The following TTC21B variants were observed in gnomAD, a reference collection of about 807,000 sequenced individuals.
TTC21B encodes tetratricopeptide repeat domain 21B.
A neutral mutation model predicts 175.1 loss-of-function variants in TTC21B; 127 were observed. That is an observed-to-expected ratio of 0.73 (90% confidence interval 0.63 to 0.84). The LOEUF (loss-of-function observed/expected upper bound fraction) is 0.84, where lower values mean the gene tolerates loss of function less well. Among genes scored for constraint, TTC21B ranks in the 40% least tolerant of loss-of-function variants. The pLI is 0.00. For synonymous variants in TTC21B, 524 were observed against 524.5 expected, an observed-to-expected ratio of 1.00 and a Z score of 0.01; for missense variants, 1,561 against 1,558.3, an observed-to-expected ratio of 1.00 and a Z score of -0.03.
intron 6 of TTC21B, chr2:165,933,737 A>C (rs1463369595): frequency 6.6e-6 from 1 of 152,208 alleles, no homozygotes; most frequent in Non-Finnish European, 1.5e-5. Context: ...CATGTAACTA[A>C]CTACAAAAGT....
chr2:165,884,712 T>C (rs918208919), intron 25 of TTC21B, among the ~76,000 whole-genome samples: 1 of 152,218 alleles, frequency 6.6e-6, no homozygotes, highest in African/African-American at 2.4e-5. Context: ...TCAGAGAATG[T>C]CACTCTGTGA....
At chr2:165,949,759 A>G (rs1288652220) in intron 1 of TTC21B, 35 bp from the exon 2 acceptor site, 1 of 1,585,210 alleles carries the variant, frequency 6.3e-7, no homozygotes, top group Non-Finnish European at 8.7e-7. Context: ...TTATAAAGGA[A>G]TTCTGGTGCT....
chr2:165,909,469 T>A, intron 18 of TTC21B, among the ~76,000 whole-genome samples: 1 of 151,920 alleles, frequency 6.6e-6, no homozygotes, highest in Admixed American at 6.6e-5. Context: ...AGAAAATATC[T>A]ACAACATGAA....
At chr2:165,945,444 T>C in intron 4 of TTC21B, 80 bp downstream of exon 4, 2 of 1,341,212 alleles carry the variant, frequency 1.5e-6, no homozygotes, top group Non-Finnish European at 2.1e-6. Context: ...AATAAAGAGC[T>C]AAATCACAGA....
Position 165,883,851 on chromosome 2 carries a change from T to TTGAA in TTC21B, c.3623_3626dup (p.Gln1209HisfsTer7). On this transcript the variant is annotated frameshift_variant, in exon 26 of 29. Coordinates refer to ENST00000243344, the MANE Select transcript of TTC21B (RefSeq NM_024753.5). LOFTEE classifies it high-confidence loss of function. ...CTTCTGCCATGTCATATTTTGCTGA[T>TTGAA]TGAATGTAAATATCAGCAAGTAGCA... is the stretch of plus-strand genomic sequence containing the variant. 1 of 1,614,136 alleles carries TTGAA rather than the reference T, an allele frequency of 6.2e-7. No individual in the cohort carries two copies.
intron 6 of TTC21B, among the ~76,000 whole-genome samples, chr2:165,939,317 T>C (rs1687281856): frequency 6.6e-6 from 1 of 152,200 alleles, no homozygotes; most frequent in South Asian, 2.1e-4. Flanking sequence ...TGCAAGTCAC[T>C]TATTCTCAAG....
At chr2:165,914,850 A>G (rs1303359548) in intron 15 of TTC21B, among the ~76,000 whole-genome samples, 1 of 151,972 alleles carries the variant, frequency 6.6e-6, no homozygotes, top group Non-Finnish European at 1.5e-5. Flanking sequence ...TAATAAATAC[A>G]CCTGCCTATC....
At chr2:165,927,756 G>A (rs751125396) in intron 11 of TTC21B, among the ~76,000 whole-genome samples, 64 of 151,950 alleles carry the variant, frequency 4.2e-4, no homozygotes, top group Non-Finnish European at 7.4e-4. Flanking sequence ...AATTCTATGA[G>A]GGTTTAAGTT....
At chr2:165,927,027 G>T (rs1315193265) in intron 11 of TTC21B, among the ~76,000 whole-genome samples, 41 of 50,348 alleles carry the variant, frequency 8.1e-4, no homozygotes, top group Non-Finnish European at 1.1e-3. Context: ...TCTCCTAGTA[G>T]TTATATATAT....
At chr2:165,941,328 A>G (rs1687359820) in intron 5 of TTC21B, 144 bp from the exon 6 acceptor site, 2 of 825,960 alleles carry the variant, frequency 2.4e-6, no homozygotes, top group African/African-American at 3.5e-5. Flanking sequence ...TGTCAAAACA[A>G]AATTTTAAAA....
intron 6 of TTC21B, 141 bp downstream of exon 6, chr2:165,940,886 G>A: frequency 2.4e-6 from 2 of 827,844 alleles, no homozygotes; most frequent in Middle Eastern, 3.6e-4. Context: ...AAAGCAGTAT[G>A]ATTTTAAGTA....
chr2:165,902,177 A>G (rs1685591188), intron 19 of TTC21B, among the ~76,000 whole-genome samples: 1 of 152,182 alleles, frequency 6.6e-6, no homozygotes, highest in Non-Finnish European at 1.5e-5. Flanking sequence ...AAGTTCACTA[A>G]GGAGGAAATA....
rs1011887123 is a variant in TTC21B, at chr2:165,876,298, C to T, written c.3806-66G>A. On this transcript the variant is annotated intron_variant, in intron 27 of 28. Coordinates refer to ENST00000243344, the MANE Select transcript of TTC21B (RefSeq NM_024753.5). ...CTGCTACTATTACTTTTCCTTGCCT[C>T]CTCCTCTCTTTGCTTACTCACTAGA... The T allele has an allele frequency of 3.9e-6, 4 of 1,015,964 alleles. No individual in the cohort carries two copies. The African/African-American group carries it at 4.7e-5, about 12-fold the overall frequency. The allele number at this position is 1,015,964 out of a possible 1,614,324, so 62.9% of individuals were successfully genotyped here.
chr2:165,952,571 C>A (rs910930746), intron 1 of TTC21B, among the ~76,000 whole-genome samples: 1 of 152,048 alleles, frequency 6.6e-6, no homozygotes, highest in Admixed American at 6.5e-5. Flanking sequence ...AATGAGGAGG[C>A]CCATTTTTAC....
intron 11 of TTC21B, among the ~76,000 whole-genome samples, chr2:165,925,771 G>A (rs1289804719): frequency 1.3e-5 from 2 of 152,004 alleles, no homozygotes; most frequent in Non-Finnish European, 2.9e-5. Flanking sequence ...ATAGGCCTAC[G>A]GGTTTTTATG....
chr2:165,940,982 T>A, intron 6 of TTC21B, 45 bp downstream of exon 6: 2 of 1,609,794 alleles, frequency 1.2e-6, no homozygotes, highest in Non-Finnish European at 1.7e-6. Flanking sequence ...TTCTCAAAAT[T>A]ATAACCAAAT....
At chr2:165,895,736 A>T (rs1488301538) in intron 22 of TTC21B, among the ~76,000 whole-genome samples, 1 of 152,160 alleles carries the variant, frequency 6.6e-6, no homozygotes, top group East Asian at 1.9e-4. Flanking sequence ...TTTTGGACCC[A>T]GAGTGAGTGG....
Position 165,924,624 on chromosome 2 carries a change from G to C in TTC21B, c.1441C>G (p.Leu481Val). The part of the protein sequence containing the change: ...CPLLRRCISV[L>V]ETVVRTVPGL... The stretch of plus-strand genomic sequence containing the variant: ...GGAACAGTTCTTACTACAGTCTCCA[G>C]GACTGAGATGCAACGCCTGAGAAGT... Residue 481 changes from leucine (L) to valine (V), a missense_variant, in exon 12 of 29, where the codon CTG (leucine) becomes GTG (valine). By Grantham distance (32) the Leu-to-Val change is conservative (BLOSUM62 1). Coordinates refer to ENST00000243344, the MANE Select transcript of TTC21B (RefSeq NM_024753.5). 3.7e-6 allele frequency: 6 copies of C among 1,613,770 alleles called. No individual in the cohort carries two copies. The highest frequency in any genetic ancestry group is 5.1e-6 in the Non-Finnish European group (6 of 1,179,812).
chr2:165,920,256 T>C (rs940766148), intron 12 of TTC21B, among the ~76,000 whole-genome samples: 1 of 152,168 alleles, frequency 6.6e-6, no homozygotes, highest in African/African-American at 2.4e-5. Flanking sequence ...AGAGCCTAAA[T>C]GATTTTCTGT....
Sources: gnomAD v4.1 joint callset for allele counts (sites outside exome capture counted in the v4.1 genomes callset) on GRCh38, gnomAD v4.1.1 for gene constraint, MANE v1.5 for transcripts, NCBI Gene and HGNC (gene_info 2026-07-23, HGNC 2026-07-21) for gene names.